PHACTR3: variants seen among roughly 807,000 people sequenced by gnomAD.
The protein encoded by PHACTR3 is protein phosphatase 1, regulatory subunit 123.
PHACTR3 carries 16 observed loss-of-function variants against 66.8 expected under a neutral mutation model. The observed-to-expected ratio is 0.24, with a 90% confidence interval of 0.16 to 0.36. The LOEUF (loss-of-function observed/expected upper bound fraction) is 0.36. PHACTR3 is among the 10% of genes least tolerant of loss of function. PHACTR3 has a pLI of 1.00. For missense variants in PHACTR3, 647 were observed against 719.9 expected (o/e 0.90, Z 1.16); for synonymous variants, 323 against 292.1 (o/e 1.11, Z -1.08).
chr20:59,689,386 G>C (rs551099699), intron 1 of PHACTR3, among the ~76,000 whole-genome samples: 1 of 152,258 alleles, frequency 6.6e-6, no homozygotes, highest in South Asian at 2.1e-4. Flanking sequence ...CAAATGTAGA[G>C]TGAGACAGAA....
chr20:59,692,985 GCGT>G (rs1326532939), intron 1 of PHACTR3, among the ~76,000 whole-genome samples: 1 of 152,154 alleles, frequency 6.6e-6, no homozygotes, highest in African/African-American at 2.4e-5. Context: ...TAAAATGAAA[GCGT>G]CATTATATAT....
intron 1 of PHACTR3, among the ~76,000 whole-genome samples, chr20:59,730,450 T>A (rs1414145388): frequency 1.3e-5 from 2 of 152,120 alleles, no homozygotes; most frequent in Non-Finnish European, 2.9e-5. Flanking sequence ...TATTTCATCC[T>A]AAGAGCCACT....
At position 59,604,971 on chromosome 20, in the gene PHACTR3, T is replaced by C; in HGVS notation, c.-44T>C. 7.9e-7 allele frequency: 1 copy of C among 1,258,554 alleles called. No individual in the cohort carries two copies. The highest frequency in any genetic ancestry group is 1.0e-6 in the Non-Finnish European group (1 of 996,834). The allele number at this position is 1,258,554 out of a possible 1,614,324, so 78.0% of individuals were successfully genotyped here. A position where few individuals can be genotyped will look rare whatever the true frequency, so the allele number is the denominator to read the frequency against. On this transcript the variant is annotated 5_prime_UTR_variant, in exon 1 of 13. Transcript: ENST00000371015. Reference sequence around the variant, plus strand: ...ACCTTGGCCGCCTCGGATGCTCTGATTCCACGCGGCTCGCTCTAACTTGCC... The same window carrying C: ...ACCTTGGCCGCCTCGGATGCTCTGACTCCACGCGGCTCGCTCTAACTTGCC...
At chr20:59,670,675 C>T (rs886765732) in intron 1 of PHACTR3, among the ~76,000 whole-genome samples, 1 of 150,248 alleles carries the variant, frequency 6.7e-6, no homozygotes, top group Non-Finnish European at 1.5e-5. Flanking sequence ...GCTTTTCTGT[C>T]GTTAAGGTGT....
rs1276582512 is a variant in PHACTR3, at chr20:59,736,816, C to T, written c.119-6291C>T. 6.6e-6 allele frequency among the ~76,000 whole-genome samples: 1 copy of T among 152,128 alleles called. No homozygotes were observed. The highest frequency in any genetic ancestry group is 1.5e-5 in the Non-Finnish European group (1 of 68,014). On this transcript the variant is annotated intron_variant, in intron 1 of 12. Coordinates refer to ENST00000371015, the MANE Select transcript of PHACTR3 (RefSeq NM_080672.5). The surrounding 1 kb of genome is among the most constrained non-coding windows in gnomAD (Gnocchi z 4.6). ...GAGTCATAGCTCTCACAAGCCCTCC[C>T]CTGGCACAGTCCTGGGCTTGAGCCA...
chr20:59,672,710 G>C (rs1408555176), intron 1 of PHACTR3, among the ~76,000 whole-genome samples: 1 of 152,206 alleles, frequency 6.6e-6, no homozygotes, highest in African/African-American at 2.4e-5. Context: ...AGACACCACT[G>C]TGTGCCCGAC....
chr20:59,826,212 G>A (rs1171148087), intron 8 of PHACTR3, among the ~76,000 whole-genome samples: 2 of 151,940 alleles, frequency 1.3e-5, no homozygotes, highest in South Asian at 2.1e-4. Context: ...GAGGGGAGGG[G>A]TGCTCAGGGG....
At chr20:59,664,796 A>G (rs1468219915) in intron 1 of PHACTR3, among the ~76,000 whole-genome samples, 1 of 152,178 alleles carries the variant, frequency 6.6e-6, no homozygotes, top group Non-Finnish European at 1.5e-5. Context: ...TCTTCTGCCA[A>G]CCTGCCAGAT....
intron 9 of PHACTR3, among the ~76,000 whole-genome samples, chr20:59,837,790 C>G (rs1430990265): frequency 6.6e-6 from 1 of 152,124 alleles, no homozygotes; most frequent in Non-Finnish European, 1.5e-5. Flanking sequence ...AAGTTCAAGA[C>G]ACAGGAAGCA....
At chr20:59,726,145 T>A (rs770414918) in intron 1 of PHACTR3, among the ~76,000 whole-genome samples, 7 of 152,220 alleles carry the variant, frequency 4.6e-5, no homozygotes, top group Non-Finnish European at 7.3e-5. Flanking sequence ...TATGTGATCC[T>A]TGATAAATTT....
At chr20:59,782,414 G>C (rs1568816772) in intron 7 of PHACTR3, among the ~76,000 whole-genome samples, 1 of 152,082 alleles carries the variant, frequency 6.6e-6, no homozygotes, top group Non-Finnish European at 1.5e-5. Flanking sequence ...ACCATGCCTG[G>C]CTAATTTTTG....
At chr20:59,617,096 CT>C (rs2034053371) in intron 1 of PHACTR3, among the ~76,000 whole-genome samples, 1 of 152,080 alleles carries the variant, frequency 6.6e-6, no homozygotes, top group Non-Finnish European at 1.5e-5. Context: ...TATTTGCATC[CT>C]TTTTCTTTAG....
chr20:59,635,147 CTTTTT>C (rs1458704232), intron 1 of PHACTR3, among the ~76,000 whole-genome samples: 5 of 24,254 alleles, frequency 2.1e-4, no homozygotes, highest in African/African-American at 1.5e-4. Flanking sequence ...TTCTTTCTTT[CTTTTT>C]CTTTCTTTCT....
chr20:59,583,584 A>T (rs2032923004), intron 1 of PHACTR3, among the ~76,000 whole-genome samples: 4 of 152,214 alleles, frequency 2.6e-5, no homozygotes, highest in Admixed American at 6.5e-5. Context: ...GCAGCCTCGG[A>T]CTGACTCCCA....
chr20:59,679,173 G>A (rs567920196), intron 1 of PHACTR3, among the ~76,000 whole-genome samples: 3 of 152,176 alleles, frequency 2.0e-5, no homozygotes, highest in Admixed American at 6.5e-5. Flanking sequence ...CTGTCCACGC[G>A]GTTGAAGATG....
intron 4 of PHACTR3, among the ~76,000 whole-genome samples, chr20:59,766,607 C>T (rs777351767): frequency 6.6e-6 from 1 of 152,098 alleles, no homozygotes; most frequent in African/African-American, 2.4e-5. Flanking sequence ...TGGCCTGACC[C>T]TTCCTCCAAG....
At chr20:59,609,262 G>T (rs1190865840) in intron 1 of PHACTR3, among the ~76,000 whole-genome samples, 1 of 152,184 alleles carries the variant, frequency 6.6e-6, no homozygotes, top group Admixed American at 6.5e-5. Context: ...TGGGCTCAGG[G>T]CATCCCATGC....
chr20:59,722,262 A>G (rs575336020), intron 1 of PHACTR3, among the ~76,000 whole-genome samples: 1 of 143,142 alleles, frequency 7.0e-6, no homozygotes, highest in East Asian at 2.4e-4. Context: ...GTGGCACCTC[A>G]GATTGAACTG....
intron 1 of PHACTR3, among the ~76,000 whole-genome samples, chr20:59,578,682 C>A (rs778279561): frequency 1.3e-5 from 2 of 152,142 alleles, no homozygotes; most frequent in African/African-American, 4.8e-5. Context: ...CCCCACGAGG[C>A]GGTCATGGTG....
Sources: gnomAD v4.1 joint callset for allele counts (sites outside exome capture counted in the v4.1 genomes callset) on GRCh38, gnomAD v4.1.1 for gene constraint, Gnocchi (gnomAD v3.1) non-coding constraint, MANE v1.5 for transcripts, NCBI Gene and HGNC (gene_info 2026-07-23, HGNC 2026-07-21) for gene names.